The following MAD1L1 variants were observed in gnomAD, a reference collection of about 807,000 sequenced individuals.
The protein encoded by MAD1L1 is mitotic spindle assembly checkpoint protein MAD1.
MAD1L1 carries 95 observed loss-of-function variants against 96.9 expected under a neutral mutation model. That is an observed-to-expected ratio of 0.98 (90% CI 0.83 to 1.16). The LOEUF is 1.16. Ranked by LOEUF, MAD1L1 falls within the 50% of genes most tolerant of loss-of-function variation. MAD1L1 has a pLI of 0.00. For synonymous variants in MAD1L1, 473 were observed against 396.6 expected (o/e 1.19, Z -2.29); for missense variants, 1,007 against 954.4 (o/e 1.06, Z -0.73).
At chr7:1,837,344 A>C (rs1782985504) in intron 18 of MAD1L1, among the ~76,000 whole-genome samples, 1 of 152,390 alleles carries the variant, frequency 6.6e-6, no homozygotes, top group South Asian at 2.1e-4. Flanking sequence ...CAAGTCTCCT[A>C]TACTGCTGAT....
At chr7:2,050,140 G>A (rs1264667999) in intron 12 of MAD1L1, among the ~76,000 whole-genome samples, 2 of 111,660 alleles carry the variant, frequency 1.8e-5, no homozygotes, top group Non-Finnish European at 3.7e-5. Context: ...CTCACCCAGC[G>A]TCTGCGGGCA....
At chr7:1,818,901 C>T (rs1463730939) in intron 18 of MAD1L1, among the ~76,000 whole-genome samples, 1 of 151,974 alleles carries the variant, frequency 6.6e-6, no homozygotes, top group Non-Finnish European at 1.5e-5. Context: ...GTAACCAGTG[C>T]TACTCTCCCA....
At chr7:1,941,263 G>A (rs1023071605) in intron 16 of MAD1L1, among the ~76,000 whole-genome samples, 1 of 152,194 alleles carries the variant, frequency 6.6e-6, no homozygotes, top group African/African-American at 2.4e-5. Flanking sequence ...CCACGGGCAG[G>A]AACGAGAGCC....
At chr7:1,858,783 C>A (rs1784381466) in intron 18 of MAD1L1, among the ~76,000 whole-genome samples, 1 of 152,216 alleles carries the variant, frequency 6.6e-6, no homozygotes, top group South Asian at 2.1e-4. Context: ...GGCAAGGGGC[C>A]CCCAGCTGGA....
intron 18 of MAD1L1, among the ~76,000 whole-genome samples, chr7:1,852,866 T>C (rs894486415): frequency 6.6e-6 from 1 of 152,152 alleles, no homozygotes; most frequent in East Asian, 1.9e-4. Flanking sequence ...CCGCACGTGC[T>C]GAGCCTGGAA....
intron 13 of MAD1L1, among the ~76,000 whole-genome samples, chr7:2,011,957 G>C (rs1782324074): frequency 6.6e-6 from 1 of 152,114 alleles, no homozygotes; most frequent in African/African-American, 2.4e-5. Flanking sequence ...CCCACAGTGA[G>C]GACTAGTCAG....
intron 16 of MAD1L1, among the ~76,000 whole-genome samples, chr7:1,949,021 G>C (rs948981416): frequency 6.6e-6 from 1 of 152,212 alleles, no homozygotes; most frequent in Non-Finnish European, 1.5e-5. Flanking sequence ...CACAGCTGCT[G>C]CCCCAGGACG....
chr7:2,180,136 C>T (rs1254045043), intron 10 of MAD1L1, among the ~76,000 whole-genome samples: 4 of 152,176 alleles, frequency 2.6e-5, no homozygotes, highest in Admixed American at 2.6e-4. Flanking sequence ...AGAACGCTGA[C>T]ACAGAAAAGC....
intron 16 of MAD1L1, among the ~76,000 whole-genome samples, chr7:1,948,747 C>T (rs1289116979): frequency 1.3e-5 from 2 of 152,106 alleles, no homozygotes; most frequent in African/African-American, 2.4e-5. Context: ...GTCAGCGGGG[C>T]GGGGACAGCA....
intron 11 of MAD1L1, among the ~76,000 whole-genome samples, chr7:2,120,346 G>A (rs1374465715): frequency 6.6e-6 from 1 of 152,226 alleles, no homozygotes; most frequent in Non-Finnish European, 1.5e-5. Flanking sequence ...AGCTGATAAC[G>A]AAGGCTGCGC....
chr7:2,130,888 C>T (rs1356524706), intron 11 of MAD1L1, among the ~76,000 whole-genome samples: 3 of 152,206 alleles, frequency 2.0e-5, no homozygotes, highest in African/African-American at 7.2e-5. Flanking sequence ...GCCACCGCAT[C>T]GAATCCGATC....
rs1780242410 is a variant in MAD1L1 at position 1,968,004 on chromosome 7, CTG to C, written c.1506-10287_1506-10286del. ...CGTGGCAAACTCCCTCCAGTCCACA[CTG>C]CTGGTAATAAATGAAGAAGTGAATA... is the stretch of plus-strand genomic sequence containing the variant. On this transcript the variant is annotated intron_variant, in intron 15 of 18. Transcript: ENST00000265854. The surrounding 1 kb of genome is among the most constrained non-coding windows in gnomAD (Gnocchi z 5.6). 1.3e-5 allele frequency among the ~76,000 whole-genome samples: 2 copies of C among 152,200 alleles called. No homozygotes were observed. The highest frequency in any genetic ancestry group is 4.8e-5 in the African/African-American group (2 of 41,440).
chr7:1,871,235 A>G (rs1299951198), intron 18 of MAD1L1, among the ~76,000 whole-genome samples: 2 of 122,164 alleles, frequency 1.6e-5, no homozygotes, highest in Non-Finnish European at 1.7e-5. Context: ...TGAACCCAAC[A>G]TACGCCTGCC....
intron 15 of MAD1L1, among the ~76,000 whole-genome samples, chr7:1,966,313 C>T (rs548207911): frequency 6.6e-5 from 10 of 152,252 alleles, no homozygotes; most frequent in South Asian, 6.2e-4. Context: ...CCAAATTACT[C>T]GGCACATGAA....
At chr7:1,916,247 G>A (rs1788386457) in intron 17 of MAD1L1, among the ~76,000 whole-genome samples, 1 of 152,160 alleles carries the variant, frequency 6.6e-6, no homozygotes, top group Admixed American at 6.5e-5. Context: ...CCTAGAATGT[G>A]GAAATTCCCC....
At chr7:2,150,138 G>A (rs1052091356) in intron 10 of MAD1L1, among the ~76,000 whole-genome samples, 10 of 152,124 alleles carry the variant, frequency 6.6e-5, no homozygotes, top group Non-Finnish European at 1.2e-4. Context: ...AATGAGCAAC[G>A]GGGACCCCGA....
chr7:1,854,352 G>C (rs1297040851), intron 18 of MAD1L1: 1 of 471,776 alleles, frequency 2.1e-6, no homozygotes, highest in Non-Finnish European at 4.2e-6. Flanking sequence ...CCCCGCTGTG[G>C]GGGAACCTAC....
intron 18 of MAD1L1, among the ~76,000 whole-genome samples, chr7:1,888,010 T>TGC (rs1786242691): frequency 8.2e-5 from 6 of 73,132 alleles, no homozygotes; most frequent in African/African-American, 3.6e-4. Context: ...TGGCTGCCTG[T>TGC]ACGTGTGTGT....
chr7:1,988,629 C>G (rs549370395), intron 14 of MAD1L1, among the ~76,000 whole-genome samples: 2 of 152,282 alleles, frequency 1.3e-5, no homozygotes, highest in East Asian at 3.9e-4. Flanking sequence ...TCTGGAGGAC[C>G]CGGCCGCGCT....
Sources: gnomAD v4.1 joint callset for allele counts (sites outside exome capture counted in the v4.1 genomes callset) on GRCh38, gnomAD v4.1.1 for gene constraint, Gnocchi (gnomAD v3.1) non-coding constraint, MANE v1.5 for transcripts, NCBI Gene and HGNC (gene_info 2026-07-23, HGNC 2026-07-21) for gene names.